COLGALT2: variants seen among roughly 807,000 people sequenced by gnomAD.
The protein encoded by COLGALT2 is procollagen galactosyltransferase 2.
Under a neutral mutation model 73.4 loss-of-function variants are expected in COLGALT2, and 49 were observed. That is an observed-to-expected ratio of 0.67 (90% CI 0.53 to 0.85). The LOEUF (loss-of-function observed/expected upper bound fraction) is 0.85, where lower values mean the gene tolerates loss of function less well. COLGALT2 is among the 40% of genes least tolerant of loss of function. The probability of loss-of-function intolerance (pLI) is 0.00; values close to 1 mark genes in which losing one functional copy is unlikely to be tolerated. For missense variants in COLGALT2, 722 were observed against 790.2 expected, an observed-to-expected ratio of 0.91 and a Z score of 1.03; for synonymous variants, 295 against 307.6, an observed-to-expected ratio of 0.96 and a Z score of 0.43.
rs1670035943 is a variant in COLGALT2, at chr1:183,938,901, C to T, written c.1741G>A (p.Glu581Lys). The change falls in exon 12 of 12, where the codon GAG (glutamate) becomes AAG (lysine). Residue 581 changes from glutamate to lysine, a missense_variant. By Grantham distance (56) the Glu-to-Lys change is moderately conservative (BLOSUM62 1). Transcript: ENST00000361927. ...CTATCCCAGTCGGTGGCCACTGTCTCATTGTCCCAGATGGTGGAGGTCTCC... is the reference window on the plus strand; with the variant it reads ...CTATCCCAGTCGGTGGCCACTGTCTTATTGTCCCAGATGGTGGAGGTCTCC... ...DTETSTIWDN[E>K]TVATDWDRTH... The T allele has an allele frequency of 6.2e-7, 1 of 1,614,130 alleles. No individual in the cohort carries two copies.
chr1:184,000,898 C>T (rs574440662), intron 1 of COLGALT2, among the ~76,000 whole-genome samples: 33 of 147,822 alleles, frequency 2.2e-4, no homozygotes, highest in African/African-American at 7.6e-4. Flanking sequence ...GGAGCGATCT[C>T]GGCTCACTGC....
chr1:184,024,654 G>A (rs1174189121), intron 1 of COLGALT2, among the ~76,000 whole-genome samples: 1 of 111,016 alleles, frequency 9.0e-6, no homozygotes, highest in Non-Finnish European at 1.9e-5. Flanking sequence ...CCCAGCCTCA[G>A]CTTTTTTTTT....
At chr1:183,964,278 A>T (rs2102807966) in intron 5 of COLGALT2, 1 of 428,798 alleles carries the variant, frequency 2.3e-6, no homozygotes, top group Non-Finnish European at 4.1e-6. Flanking sequence ...GAAAAAGCAA[A>T]CTCATGGCCT....
intron 2 of COLGALT2, among the ~76,000 whole-genome samples, chr1:183,977,322 A>G (rs1401234812): frequency 6.6e-6 from 1 of 151,766 alleles, no homozygotes; most frequent in East Asian, 1.9e-4. Flanking sequence ...ATACAAAAAA[A>G]TAGCTGGGTG....
intron 6 of COLGALT2, 149 bp downstream of exon 6, chr1:183,963,752 A>C: frequency 1.1e-6 from 1 of 873,170 alleles, no homozygotes; most frequent in South Asian, 3.0e-5. Context: ...GGAAAAATTT[A>C]GGAAAGAATG....
In COLGALT2 at chr1:184,037,390, TGGCGCGAGCGCCC is replaced by T; in HGVS notation, c.-46_-34del. 1 of 1,351,218 alleles carries T rather than the reference TGGCGCGAGCGCCC, an allele frequency of 7.4e-7. No homozygotes were observed. Among genetic ancestry groups the T allele is most frequent in the Non-Finnish European group, 9.5e-7 (1 of 1,054,006 alleles). 83.7% of individuals were successfully genotyped at this position (1,351,218 alleles called of 1,614,324 possible). ...GCCGAGGCGGGCGGCGGGGAAGTCC[TGGCGCGAGCGCCC>T]GGCTGGGCTGCCTGAGGGCGGCGGC... On this transcript the variant is annotated 5_prime_UTR_variant, in exon 1 of 12. Coordinates refer to ENST00000361927, the MANE Select transcript of COLGALT2 (RefSeq NM_015101.4).
chr1:184,022,175 A>G (rs1301583502), intron 1 of COLGALT2, among the ~76,000 whole-genome samples: 1 of 152,224 alleles, frequency 6.6e-6, no homozygotes, highest in African/African-American at 2.4e-5. Flanking sequence ...AAGGAAGAAC[A>G]CCTTCTCCCA....
At chr1:183,977,812 AAGAGAGAGAGAG>A (rs59481089) in intron 2 of COLGALT2, among the ~76,000 whole-genome samples, 4,594 of 52,452 alleles carry the variant, frequency 0.088, 271 homozygotes, top group African/African-American at 0.16. Flanking sequence ...GAAAGAGAGA[AAGAGAGAGAGAG>A]AGAGAGAGAG....
At chr1:183,954,712 C>A (rs754156438) in intron 7 of COLGALT2, 50 bp downstream of exon 7, 2 of 1,422,756 alleles carry the variant, frequency 1.4e-6, no homozygotes, top group Admixed American at 3.4e-5. Flanking sequence ...AATGAACACA[C>A]AAGCCTGCAC....
chr1:183,989,407 G>A (rs1170230271), intron 1 of COLGALT2, among the ~76,000 whole-genome samples: 2 of 152,186 alleles, frequency 1.3e-5, no homozygotes, highest in Admixed American at 6.5e-5. Flanking sequence ...TGGAGCCAGC[G>A]CGACCACAGG....
At chr1:183,966,576 C>T (rs1670877999) in intron 5 of COLGALT2, among the ~76,000 whole-genome samples, 1 of 152,192 alleles carries the variant, frequency 6.6e-6, no homozygotes, top group South Asian at 2.1e-4. Context: ...AGGGGATTGC[C>T]ATCCCTCCAC....
chr1:184,035,423 C>G (rs1292124902), intron 1 of COLGALT2, among the ~76,000 whole-genome samples: 1 of 152,112 alleles, frequency 6.6e-6, no homozygotes, highest in African/African-American at 2.4e-5. Flanking sequence ...TGTTTCCTGC[C>G]TTTTTAGGGT....
In COLGALT2 at chr1:183,954,761, C is replaced by A; in HGVS notation, c.1029+1G>T. On this transcript the variant is annotated splice_donor_variant, in intron 7 of 11. Coordinates refer to ENST00000361927, the MANE Select transcript of COLGALT2 (RefSeq NM_015101.4). LOFTEE classifies it high-confidence loss of function. ...CACACACATATAGACACCTTTCCTA[C>A]CTCATCAAATCCCATCTTGTCTGGA... The A allele has an allele frequency of 6.2e-7, 1 of 1,610,098 alleles. No individual in the cohort carries two copies. The highest frequency in any genetic ancestry group is 8.5e-7 in the Non-Finnish European group (1 of 1,176,566).
chr1:183,934,906 CTG>C (rs1337446531), downstream of COLGALT2, among the ~76,000 whole-genome samples: 1 of 152,196 alleles, frequency 6.6e-6, no homozygotes. Flanking sequence ...ATGCTGGGCT[CTG>C]TGCTTATGAT....
intron 1 of COLGALT2, among the ~76,000 whole-genome samples, chr1:184,016,290 G>A (rs1648997738): frequency 6.6e-6 from 1 of 152,134 alleles, no homozygotes; most frequent in South Asian, 2.1e-4. Context: ...AAGTCAATGC[G>A]GCAAAAGCAG....
At chr1:184,015,361 T>C (rs10911491) in intron 1 of COLGALT2, among the ~76,000 whole-genome samples, 28,959 of 152,112 alleles carry the variant, frequency 0.19, 3,046 homozygotes, top group East Asian at 0.45. Context: ...CTAACCAACG[T>C]TGCCAACCTC....
In COLGALT2 at chr1:184,037,654, C is replaced by G; in HGVS notation, c.-297G>C. ...GCCGAGGGGCTGTGTGCCCTGAGTC[C>G]TGAGGAAAGTTCCTCTAGTCCAGGT... On this transcript the variant is annotated 5_prime_UTR_variant, in exon 1 of 12. Transcript: ENST00000361927. 1 of 1,035,840 alleles carries G rather than the reference C, an allele frequency of 9.7e-7. No individual in the cohort carries two copies. Among genetic ancestry groups the G allele is most frequent in the Non-Finnish European group, 1.2e-6 (1 of 863,340 alleles). The allele number at this position is 1,035,840 out of a possible 1,614,324, so 64.2% of individuals were successfully genotyped here. A position where few individuals can be genotyped will look rare whatever the true frequency, so the allele number is the denominator to read the frequency against.
intron 7 of COLGALT2, 79 bp from the exon 8 acceptor site, chr1:183,951,192 G>A: frequency 1.0e-6 from 1 of 994,260 alleles, no homozygotes. Flanking sequence ...TTTAGTAAAT[G>A]TTTTAGATAG....
Position 183,937,213 on chromosome 1 carries a change from C to T in COLGALT2, c.*1548G>A, listed in dbSNP as rs943233072. The stretch of plus-strand genomic sequence containing the variant: ...TGAAGCTCAGGGTTTGGGGTGTGCA[C>T]GGCCCCCCATATGGCTGCATGGTGC... On this transcript the variant is annotated 3_prime_UTR_variant, in exon 12 of 12. Transcript: ENST00000361927. 9.1e-6 allele frequency: 11 copies of T among 1,213,060 alleles called. No homozygotes were observed. Among genetic ancestry groups the T allele is most frequent in the South Asian group, 4.3e-5 (1 of 23,252 alleles). 75.1% of individuals were successfully genotyped at this position (1,213,060 alleles called of 1,614,324 possible). A position where few individuals can be genotyped will look rare whatever the true frequency, so the allele number is the denominator to read the frequency against.
Sources: allele counts gnomAD v4.1 joint callset (sites outside exome capture counted in the v4.1 genomes callset), GRCh38; gene constraint gnomAD v4.1.1; transcripts MANE v1.5; gene names NCBI Gene and HGNC (gene_info 2026-07-23, HGNC 2026-07-21).